CLASP2: variants seen among roughly 807,000 people sequenced by gnomAD.
CLASP2 encodes the protein CLIP-associating protein 2.
A neutral mutation model predicts 194.4 loss-of-function variants in CLASP2; 47 were observed. The ratio of observed to expected loss-of-function variants is 0.24; its 90% CI spans 0.19 to 0.31. The LOEUF (loss-of-function observed/expected upper bound fraction) is 0.31, where lower values mean the gene tolerates loss of function less well. Among genes scored for constraint, CLASP2 ranks in the 10% least tolerant of loss-of-function variants. The probability of loss-of-function intolerance (pLI) is 1.00; values close to 1 mark genes in which losing one functional copy is unlikely to be tolerated. For synonymous variants in CLASP2, 619 were observed against 633.5 expected, an observed-to-expected ratio of 0.98 and a Z score of 0.34; for missense variants, 1,445 against 1,823.6, an observed-to-expected ratio of 0.79 and a Z score of 3.78.
chr3:33,565,502 GTTTAC>G (rs1179088652), intron 27 of CLASP2, among the ~76,000 whole-genome samples: 1 of 151,968 alleles, frequency 6.6e-6, no homozygotes, highest in Admixed American at 6.6e-5. Context: ...ATTTTCTCTA[GTTTAC>G]TTTATTATAA....
At chr3:33,654,663 A>T (rs1469888428) in intron 7 of CLASP2, among the ~76,000 whole-genome samples, 1 of 152,116 alleles carries the variant, frequency 6.6e-6, no homozygotes, top group East Asian at 1.9e-4. Flanking sequence ...AAACATCTTC[A>T]ATTTAAACTA....
chr3:33,536,478 G>T (rs2057364890), intron 33 of CLASP2, among the ~76,000 whole-genome samples: 1 of 152,186 alleles, frequency 6.6e-6, no homozygotes, highest in Admixed American at 6.5e-5. Context: ...CACAGATCCT[G>T]AAGCAGGAAC....
chr3:33,679,221 T>C (rs1369714029), intron 6 of CLASP2, among the ~76,000 whole-genome samples: 2 of 152,166 alleles, frequency 1.3e-5, no homozygotes, highest in Non-Finnish European at 2.9e-5. Context: ...ACCTACATCC[T>C]TCCCAAAAAT....
At position 33,632,337 on chromosome 3, in the gene CLASP2, A is replaced by C; in HGVS notation, c.897T>G (p.Asp299Glu). The change falls in exon 9 of 39, where the codon GAT becomes GAG. Residue 299 changes from aspartate (D) to glutamate (E), a missense_variant. By Grantham distance (45) the Asp-to-Glu change is conservative. This residue lies in a region of CLASP2 where 207 missense variants were observed against 331.4 expected (regional missense o/e 0.62). Coordinates refer to ENST00000682230, the MANE Select transcript of CLASP2 (RefSeq NM_001365631.1). ...TAAAAGCTTTTATAAAATCATCTTC[A>C]TCAACTGCTCCAGCACCTCCTTCCT... ...ASKEGGAGAVDEDDFIKAFTD... is the reference protein window; with the variant it reads ...ASKEGGAGAVEEDDFIKAFTD... 1.2e-6 allele frequency: 2 copies of C among 1,605,580 alleles called. No homozygotes were observed. Among genetic ancestry groups the C allele is most frequent in the Non-Finnish European group, 1.7e-6 (2 of 1,176,344 alleles).
chr3:33,646,152 G>A (rs1379004331), intron 7 of CLASP2, among the ~76,000 whole-genome samples: 1 of 150,638 alleles, frequency 6.6e-6, no homozygotes, highest in Non-Finnish European at 1.5e-5. Context: ...CAATCACCTA[G>A]AATTAAATAA....
At chr3:33,588,186 G>C (rs183694632) in intron 21 of CLASP2, among the ~76,000 whole-genome samples, 1 of 152,076 alleles carries the variant, frequency 6.6e-6, no homozygotes, top group African/African-American at 2.4e-5. Flanking sequence ...TTCCCACCAA[G>C]AGTGTGATAA....
intron 6 of CLASP2, 23 bp downstream of exon 6, chr3:33,684,335 AG>A: frequency 2.1e-6 from 3 of 1,412,390 alleles, no homozygotes; most frequent in Non-Finnish European, 1.9e-6. Flanking sequence ...AAAAAAAAAA[AG>A]AACCAAATTT....
intron 37 of CLASP2, chr3:33,502,913 AATG>A (rs1277205054): frequency 1.3e-5 from 2 of 152,220 alleles, no homozygotes; most frequent in Non-Finnish European, 2.9e-5. Flanking sequence ...TCTTTATAAT[AATG>A]ATATGAGGCA....
intron 8 of CLASP2, among the ~76,000 whole-genome samples, chr3:33,642,432 T>A (rs750665832): frequency 6.6e-6 from 1 of 151,878 alleles, no homozygotes; most frequent in African/African-American, 2.4e-5. Flanking sequence ...AAGAAAATAT[T>A]TGTATATGTA....
chr3:33,624,197 T>A (rs1217983649), intron 10 of CLASP2, among the ~76,000 whole-genome samples: 1 of 152,178 alleles, frequency 6.6e-6, no homozygotes, highest in Admixed American at 6.5e-5. Context: ...CATTATTGTA[T>A]ATAATTTCAC....
At chr3:33,678,433 C>T (rs2089229180) in intron 6 of CLASP2, among the ~76,000 whole-genome samples, 1 of 152,112 alleles carries the variant, frequency 6.6e-6, no homozygotes, top group African/African-American at 2.4e-5. Flanking sequence ...CCCACTTCTC[C>T]TTGTGCAAGC....
chr3:33,713,657 C>T (rs1410248022), intron 1 of CLASP2, among the ~76,000 whole-genome samples: 3 of 152,052 alleles, frequency 2.0e-5, no homozygotes, highest in African/African-American at 7.2e-5. Flanking sequence ...CTACATAGCG[C>T]TACATAGTTA....
chr3:33,535,391 A>G lies in CLASP2; in HGVS notation c.3629T>C (p.Leu1210Pro). 1 of 1,613,994 alleles carries G rather than the reference A, an allele frequency of 6.2e-7. No individual in the cohort carries two copies. Among genetic ancestry groups the G allele is most frequent in the Non-Finnish European group, 8.5e-7 (1 of 1,179,874 alleles). ...ATGGAGCAATGAAGCTTTATTATCA[A>G]GAGCTGTTTGACTTGAGTCAGTAGC... is the stretch of plus-strand genomic sequence containing the variant. The part of the protein sequence containing the change: ...GDATDSSQTA[L>P]DNKASLLHSM... The change falls in exon 34 of 39, where the codon CTT becomes CCT. Residue 1210 changes from leucine to proline, a missense_variant. Transcript: ENST00000682230.
At chr3:33,685,027 A>AAAT (rs576059400) in intron 5 of CLASP2, among the ~76,000 whole-genome samples, 48 of 138,306 alleles carry the variant, frequency 3.5e-4, no homozygotes, top group Non-Finnish European at 4.8e-4. Flanking sequence ...ATAAATAAAT[A>AAAT]AATAATAATA....
At chr3:33,696,963 T>C in intron 1 of CLASP2, 30 bp from the exon 2 acceptor site, 7 of 1,199,110 alleles carry the variant, frequency 5.8e-6, no homozygotes, top group Non-Finnish European at 8.4e-6. Context: ...TTAATGAATA[T>C]AAATTACTGA....
Position 33,679,219 on chromosome 3 carries a change from C to T in CLASP2, c.644+5140G>A, listed in dbSNP as rs150083363. On this transcript the variant is annotated intron_variant, in intron 6 of 38. Coordinates refer to ENST00000682230, the MANE Select transcript of CLASP2 (RefSeq NM_001365631.1). ...CATGAATCTAGATACAGACCTACATCCTTCCCAAAAATTAATTCAAATGGA... is the reference window on the plus strand; with the variant it reads ...CATGAATCTAGATACAGACCTACATTCTTCCCAAAAATTAATTCAAATGGA... Among the ~76,000 whole-genome samples the T allele has an allele frequency of 2.8e-3, 423 of 152,206 alleles. 1 individual carries two copies. The highest frequency in any genetic ancestry group is 4.5e-3 in the Non-Finnish European group (307 of 68,004).
chr3:33,669,611 C>T (rs1300775445), intron 6 of CLASP2, among the ~76,000 whole-genome samples: 1 of 151,496 alleles, frequency 6.6e-6, no homozygotes, highest in East Asian at 1.9e-4. Context: ...GGCAAGAGGC[C>T]TGAAAAGAAC....
intron 29 of CLASP2, among the ~76,000 whole-genome samples, chr3:33,556,848 C>T (rs1211292838): frequency 1.3e-5 from 2 of 152,148 alleles, no homozygotes; most frequent in Non-Finnish European, 2.9e-5. Flanking sequence ...CAGTTTCCAG[C>T]ATAATGTTTT....
At chr3:33,625,455 A>G (rs936066784) in intron 10 of CLASP2, among the ~76,000 whole-genome samples, 2 of 151,430 alleles carry the variant, frequency 1.3e-5, no homozygotes, top group Non-Finnish European at 2.9e-5. Flanking sequence ...CTGAGCAACT[A>G]TTTATTATGT....
Sources: gnomAD v4.1 joint callset for allele counts (sites outside exome capture counted in the v4.1 genomes callset) on GRCh38, gnomAD v4.1.1 for gene constraint, gnomAD v4.1.1 regional missense constraint, MANE v1.5 for transcripts, NCBI Gene and HGNC (gene_info 2026-07-23, HGNC 2026-07-21) for gene names.